Variants in CENPC observed in about 807,000 individuals in gnomAD.
The protein encoded by CENPC is CENP-C 1.
In CENPC, 63 loss-of-function variants were observed where a neutral mutation model predicts 112.1. That is an observed-to-expected ratio of 0.56 (90% CI 0.46 to 0.69). The LOEUF is 0.69. CENPC is among the 30% of genes least tolerant of loss of function. The pLI is 0.00. For synonymous variants in CENPC, 333 were observed against 367.6 expected (o/e 0.91, Z 1.08); for missense variants, 1,000 against 1,103.8 (o/e 0.91, Z 1.33).
chr4:67,532,927 G>T (rs1306686514), intron 4 of CENPC, among the ~76,000 whole-genome samples: 1 of 152,140 alleles, frequency 6.6e-6, no homozygotes, highest in Non-Finnish European at 1.5e-5. Context: ...ATAAAAATAA[G>T]TATCAGTCAT....
intron 12 of CENPC, among the ~76,000 whole-genome samples, chr4:67,502,425 A>G (rs539039916): frequency 7.9e-5 from 12 of 152,326 alleles, no homozygotes; most frequent in Non-Finnish European, 1.5e-4. Flanking sequence ...ACCAAAAGAA[A>G]GCAGAAGTCA....
intron 12 of CENPC, among the ~76,000 whole-genome samples, chr4:67,496,998 G>A (rs1452925325): frequency 6.6e-6 from 1 of 151,368 alleles, no homozygotes; most frequent in East Asian, 1.9e-4. Context: ...CGGAGGCAGT[G>A]TCAGAGTGAT....
intron 4 of CENPC, among the ~76,000 whole-genome samples, chr4:67,532,300 G>C (rs1356787753): frequency 4.6e-5 from 7 of 152,160 alleles, no homozygotes; most frequent in Non-Finnish European, 8.8e-5. Context: ...CTGTTGGTGG[G>C]ACTGTAAACT....
chr4:67,528,132 T>A (rs1726437838), intron 5 of CENPC, among the ~76,000 whole-genome samples: 2 of 152,136 alleles, frequency 1.3e-5, no homozygotes, highest in South Asian at 4.1e-4. Context: ...TTAATTTTTT[T>A]AAAAACCTTG....
intron 14 of CENPC, 127 bp downstream of exon 14, chr4:67,493,757 A>G (rs936314029): frequency 1.7e-6 from 1 of 586,868 alleles, no homozygotes; most frequent in African/African-American, 1.9e-5. Flanking sequence ...ATGAATTTAA[A>G]TCCTATTATC....
chr4:67,481,076 A>T (rs937495366), intron 17 of CENPC, among the ~76,000 whole-genome samples: 1 of 152,242 alleles, frequency 6.6e-6, no homozygotes, highest in South Asian at 2.1e-4. Context: ...CCTAGATCTG[A>T]TAAGTGAATT....
chr4:67,490,215 G>A, intron 16 of CENPC, 94 bp from the exon 17 acceptor site: 1 of 836,402 alleles, frequency 1.2e-6, no homozygotes, highest in Non-Finnish European at 1.7e-6. Flanking sequence ...GTCATTTCTG[G>A]ATATAAATCT....
chr4:67,506,727 T>C (rs1311016302), intron 11 of CENPC, 61 bp downstream of exon 11: 30 of 1,231,480 alleles, frequency 2.4e-5, no homozygotes, highest in Non-Finnish European at 3.1e-5. Context: ...TCTTGGGTAA[T>C]CTGTTATACA....
intron 16 of CENPC, among the ~76,000 whole-genome samples, chr4:67,491,594 C>T (rs1386518735): frequency 6.7e-6 from 1 of 149,512 alleles, no homozygotes; most frequent in African/African-American, 2.5e-5. Flanking sequence ...CCTTGGGGAT[C>T]TTACATGACC....
rs1724605111 is a variant in CENPC at position 67,469,830 on chromosome 4, A to T, written c.*2775T>A. ...CAGTGGTCTTAATGGGCACAGAAAGATCACAATTTAGGGCTGTTGAGAAAA... is the reference window on the plus strand; with the variant it reads ...CAGTGGTCTTAATGGGCACAGAAAGTTCACAATTTAGGGCTGTTGAGAAAA... On this transcript the variant is annotated 3_prime_UTR_variant, in exon 19 of 19. Coordinates refer to ENST00000273853, the MANE Select transcript of CENPC (RefSeq NM_001812.4). The T allele has an allele frequency of 6.6e-6, 1 of 152,218 alleles. No homozygotes were observed. Among genetic ancestry groups the T allele is most frequent in the Admixed American group, 6.5e-5 (1 of 15,288 alleles). The allele number at this position is 152,218 out of a possible 1,614,324, so 9.4% of individuals were successfully genotyped here.
chr4:67,500,649 T>C (rs927085999), intron 12 of CENPC, among the ~76,000 whole-genome samples: 3 of 152,112 alleles, frequency 2.0e-5, no homozygotes, highest in Non-Finnish European at 2.9e-5. Flanking sequence ...AATTCAAGTA[T>C]CATAATAAAT....
At chr4:67,511,310 C>A (rs1422210925) in intron 9 of CENPC, among the ~76,000 whole-genome samples, 1 of 152,168 alleles carries the variant, frequency 6.6e-6, no homozygotes, top group East Asian at 1.9e-4. Flanking sequence ...TAAGGCCTCA[C>A]ATATACAATG....
intron 11 of CENPC, 69 bp downstream of exon 11, chr4:67,506,719 T>TTGGGTAATCTGTTATACAGCAA: frequency 8.4e-7 from 1 of 1,190,788 alleles, no homozygotes; most frequent in Non-Finnish European, 1.1e-6. Context: ...AATAAAGTTC[T>TTGGGTAATCTGTTATACAGCAA]TGGGTAATCT....
chr4:67,542,943 G>A (rs1726928722), intron 2 of CENPC, among the ~76,000 whole-genome samples: 1 of 152,160 alleles, frequency 6.6e-6, no homozygotes, highest in Non-Finnish European at 1.5e-5. Context: ...TTAGGCAACA[G>A]CTTTTTCAAA....
chr4:67,528,481 CT>C (rs994526289), intron 5 of CENPC, among the ~76,000 whole-genome samples: 2 of 152,098 alleles, frequency 1.3e-5, no homozygotes, highest in East Asian at 1.9e-4. Context: ...CCATTACCCC[CT>C]ACCACAATCC....
intron 12 of CENPC, among the ~76,000 whole-genome samples, chr4:67,504,180 C>T (rs1187722103): frequency 1.3e-5 from 2 of 148,186 alleles, no homozygotes; most frequent in East Asian, 2.1e-4. Context: ...AAGCTCTTAA[C>T]TAATGTACTC....
chr4:67,519,329 C>T lies in CENPC; in HGVS notation c.505G>A (p.Val169Ile), dbSNP rs765570541. 7.4e-6 allele frequency: 12 copies of T among 1,612,616 alleles called. No homozygotes were observed. The highest frequency in any genetic ancestry group is 1.0e-5 in the Non-Finnish European group (12 of 1,179,370). ...PSVLLDAKTS[V>I]SQNVIPSSAQ... ...CTAGATGGAATAACATTTTGTGATA[C>T]AGATGTTTTTGCATCCAAAAGAACA... Residue 169 changes from valine (V) to isoleucine (I), a missense_variant, in exon 6 of 19, where the codon GTA (valine) becomes ATA (isoleucine). By Grantham distance (29) the Val-to-Ile change is conservative. Transcript: ENST00000273853.
chr4:67,511,508 T>C (rs1462687400), intron 9 of CENPC, among the ~76,000 whole-genome samples: 2 of 152,214 alleles, frequency 1.3e-5, no homozygotes, highest in African/African-American at 2.4e-5. Flanking sequence ...GGTCTGAGTA[T>C]ACTACCCTTA....
chr4:67,523,667 TAC>T, intron 5 of CENPC, among the ~76,000 whole-genome samples: 1 of 152,308 alleles, frequency 6.6e-6, no homozygotes, highest in South Asian at 2.1e-4. Context: ...CAAGTTATTG[TAC>T]ACACACATAC....
Sources: gnomAD v4.1 joint callset for allele counts (sites outside exome capture counted in the v4.1 genomes callset) on GRCh38, gnomAD v4.1.1 for gene constraint, MANE v1.5 for transcripts, NCBI Gene and HGNC (gene_info 2026-07-23, HGNC 2026-07-21) for gene names.